The following ATF2 variants were observed in gnomAD, a reference collection of about 807,000 sequenced individuals.
ATF2 encodes the protein cyclic AMP-dependent transcription factor ATF-2.
ATF2 carries 24 observed loss-of-function variants against 60.6 expected under a neutral mutation model. The observed-to-expected ratio is 0.40, with a 90% CI of 0.29 to 0.56. The LOEUF (loss-of-function observed/expected upper bound fraction) is 0.56. Among genes scored for constraint, ATF2 ranks in the 20% least tolerant of loss-of-function variants. The probability of loss-of-function intolerance (pLI) is 0.54; values close to 1 mark genes in which losing one functional copy is unlikely to be tolerated. For synonymous variants in ATF2, 206 were observed against 215.4 expected (o/e 0.96, Z 0.38); for missense variants, 433 against 607.7 (o/e 0.71, Z 3.02).
At chr2:175,153,567 C>T (rs1452268349) in intron 1 of ATF2, among the ~76,000 whole-genome samples, 3 of 152,128 alleles carry the variant, frequency 2.0e-5, no homozygotes, top group Admixed American at 1.3e-4. Flanking sequence ...CACACCCTCA[C>T]GCCCGTAATC....
In ATF2 at chr2:175,118,198, T is replaced by G. The variant is rs548823359; in HGVS notation, c.318+53A>C. ...TTTAAAAAGCAGGAAGTATAAACTA[T>G]GATTACTTTTCTGTCAGAAGTACTC... On this transcript the variant is annotated intron_variant, in intron 6 of 13. Coordinates refer to ENST00000264110, the MANE Select transcript of ATF2 (RefSeq NM_001880.4). 1.1e-4 allele frequency: 180 copies of G among 1,591,356 alleles called. 5 individuals carry two copies. In the South Asian group the frequency reaches 1.5e-3, roughly 13 times the overall value.
intron 10 of ATF2, among the ~76,000 whole-genome samples, chr2:175,111,095 A>G (rs942272717): frequency 1.3e-5 from 2 of 152,232 alleles, no homozygotes; most frequent in Non-Finnish European, 2.9e-5. Flanking sequence ...TAGGATTAAA[A>G]TTAAAATTAA....
chr2:175,112,155 CT>C (rs1031295812), intron 9 of ATF2, among the ~76,000 whole-genome samples: 25 of 151,894 alleles, frequency 1.6e-4, no homozygotes, highest in Non-Finnish European at 2.8e-4. Context: ...TGGTTTTTTC[CT>C]TTTTTTTCTT....
rs1291796180 is a variant in ATF2, at chr2:175,072,362, T to C, written c.*2247A>G. 1.3e-5 allele frequency: 2 copies of C among 152,160 alleles called. No homozygotes were observed. The highest frequency in any genetic ancestry group is 2.4e-5 in the African/African-American group (1 of 41,532). 9.4% of individuals were successfully genotyped at this position (152,160 alleles called of 1,614,324 possible). ...ACATTGCAAATATAAGGACTGAAAA[T>C]GCTAGGTACAGAAGTAGTATGACAT... On this transcript the variant is annotated 3_prime_UTR_variant, in exon 14 of 14. Transcript: ENST00000264110.
intron 10 of ATF2, among the ~76,000 whole-genome samples, chr2:175,100,878 C>A (rs1276882780): frequency 1.3e-5 from 2 of 152,164 alleles, no homozygotes; most frequent in African/African-American, 4.8e-5. Flanking sequence ...GTGGATGCGT[C>A]AGGTTATAAA....
intron 12 of ATF2, among the ~76,000 whole-genome samples, chr2:175,088,074 C>T (rs953188142): frequency 6.6e-6 from 1 of 152,106 alleles, no homozygotes; most frequent in Non-Finnish European, 1.5e-5. Flanking sequence ...CTGTTCTATA[C>T]CTTATTTCAG....
intron 13 of ATF2, among the ~76,000 whole-genome samples, chr2:175,077,338 G>A (rs530217333): frequency 2.6e-5 from 4 of 152,230 alleles, no homozygotes; most frequent in South Asian, 2.1e-4. Flanking sequence ...GGGTCAAATC[G>A]TATTTCTAGT....
chr2:175,167,021 T>C (rs181440827), intron 1 of ATF2, among the ~76,000 whole-genome samples: 197 of 152,290 alleles, frequency 1.3e-3, no homozygotes, highest in African/African-American at 4.4e-3. Flanking sequence ...AACATTTCTT[T>C]CACTAAAATT....
intron 11 of ATF2, among the ~76,000 whole-genome samples, 157 bp downstream of exon 11, chr2:175,097,283 TATCA>T (rs1694994392): frequency 6.6e-6 from 1 of 152,244 alleles, no homozygotes; most frequent in South Asian, 2.1e-4. Context: ...TTTATTTTTG[TATCA>T]ATACTTGTAT....
chr2:175,164,250 T>C (rs1700211777), intron 1 of ATF2, among the ~76,000 whole-genome samples: 1 of 151,460 alleles, frequency 6.6e-6, no homozygotes, highest in Non-Finnish European at 1.5e-5. Context: ...TGTGTAAAAA[T>C]AGGCCTAGTG....
intron 10 of ATF2, among the ~76,000 whole-genome samples, chr2:175,108,984 A>G (rs923953931): frequency 6.6e-6 from 1 of 152,026 alleles, no homozygotes; most frequent in Non-Finnish European, 1.5e-5. Context: ...CATGCTCGTT[A>G]AGAGTCATCA....
chr2:175,142,818 G>A (rs1027001208), intron 2 of ATF2, among the ~76,000 whole-genome samples: 8 of 148,664 alleles, frequency 5.4e-5, no homozygotes, highest in Non-Finnish European at 7.4e-5. Flanking sequence ...GAGCAACAGC[G>A]AGCGAGCAAG....
chr2:175,167,547 C>G, intron 1 of ATF2: 1 of 445,782 alleles, frequency 2.2e-6, no homozygotes, highest in Non-Finnish European at 4.8e-6. Flanking sequence ...TCCTCCTCCC[C>G]GCCACCATCA....
At chr2:175,114,472 T>C (rs1436233724) in intron 8 of ATF2, 3 of 1,267,460 alleles carry the variant, frequency 2.4e-6, no homozygotes, top group Non-Finnish European at 3.0e-6. Flanking sequence ...CTATCTTAAA[T>C]TCACATTCTA....
At chr2:175,082,535 T>C (rs1338269648) in intron 12 of ATF2, among the ~76,000 whole-genome samples, 2 of 152,168 alleles carry the variant, frequency 1.3e-5, no homozygotes, top group East Asian at 1.9e-4. Context: ...GTCTACAAGT[T>C]TCTCTCATTA....
intron 5 of ATF2, 85 bp downstream of exon 5, chr2:175,121,359 T>C (rs757626278): frequency 1.3e-6 from 1 of 791,794 alleles, no homozygotes; most frequent in Non-Finnish European, 1.9e-6. Flanking sequence ...ATCACCAGAC[T>C]ATATTATTTA....
chr2:175,104,492 G>A lies in ATF2; in HGVS notation c.829-6899C>T, dbSNP rs576445536. Among the ~76,000 whole-genome samples, 8 of 152,256 alleles carry A rather than the reference G, an allele frequency of 5.3e-5. No homozygotes were observed. The South Asian group carries it at 1.0e-3, about 20-fold the overall frequency. ...TGGGGGGGGCGGTGCGCAAACAGGTGAAGAGTCAGAAAAATCACTTAATGT... is the reference window on the plus strand; with the variant it reads ...TGGGGGGGGCGGTGCGCAAACAGGTAAAGAGTCAGAAAAATCACTTAATGT... On this transcript the variant is annotated intron_variant, in intron 10 of 13. Coordinates refer to ENST00000264110, the MANE Select transcript of ATF2 (RefSeq NM_001880.4).
intron 1 of ATF2, among the ~76,000 whole-genome samples, chr2:175,155,296 G>A (rs1574498380): frequency 6.6e-6 from 1 of 152,136 alleles, no homozygotes; most frequent in East Asian, 1.9e-4. Flanking sequence ...AGCTTCCATG[G>A]AACAAAACAA....
chr2:175,075,379 T>C (rs916965358), intron 13 of ATF2, among the ~76,000 whole-genome samples: 4 of 152,148 alleles, frequency 2.6e-5, no homozygotes, highest in African/African-American at 9.7e-5. Flanking sequence ...GATGCATACA[T>C]AGGAGAACAA....
Sources: allele counts gnomAD v4.1 joint callset (sites outside exome capture counted in the v4.1 genomes callset), GRCh38; gene constraint gnomAD v4.1.1; transcripts MANE v1.5; gene names NCBI Gene and HGNC (gene_info 2026-07-23, HGNC 2026-07-21).